Variants in NT5C2 observed in about 807,000 individuals in gnomAD.
The protein encoded by NT5C2 is cytosolic purine 5'-nucleotidase.
In NT5C2, 58 loss-of-function variants were observed where a neutral mutation model predicts 76.1. That is an observed-to-expected ratio of 0.76 (90% CI 0.62 to 0.95). The LOEUF is 0.95. NT5C2 is among the 40% of genes least tolerant of loss of function. The pLI, the probability that NT5C2 is intolerant of heterozygous loss-of-function variation, is 0.00. For missense variants in NT5C2, 478 were observed against 690.3 expected, an observed-to-expected ratio of 0.69 and a Z score of 3.45; for synonymous variants, 229 against 237.4, an observed-to-expected ratio of 0.96 and a Z score of 0.32.
intron 4 of NT5C2, among the ~76,000 whole-genome samples, chr10:103,119,840 T>C (rs1487871270): frequency 6.6e-6 from 1 of 152,164 alleles, no homozygotes; most frequent in African/African-American, 2.4e-5. Context: ...GTCTCATGCC[T>C]GTAATCCCAG....
intron 1 of NT5C2, among the ~76,000 whole-genome samples, chr10:103,187,330 G>A (rs1591924478): frequency 6.6e-6 from 1 of 151,954 alleles, no homozygotes; most frequent in Admixed American, 6.6e-5. Context: ...TAGATTACAA[G>A]GTCAGGAGTT....
chr10:103,187,002 G>C (rs1469762841), intron 1 of NT5C2, among the ~76,000 whole-genome samples: 3 of 152,016 alleles, frequency 2.0e-5, no homozygotes, highest in Admixed American at 2.0e-4. Context: ...TATAATCCCA[G>C]CACTCTGGGA....
At chr10:103,121,252 T>C (rs2135700561) in intron 4 of NT5C2, among the ~76,000 whole-genome samples, 1 of 152,350 alleles carries the variant, frequency 6.6e-6, no homozygotes, top group South Asian at 2.1e-4. Context: ...TTGAATTGTA[T>C]ACTTGAAAAT....
chr10:103,184,039 G>C (rs759125877), intron 1 of NT5C2, among the ~76,000 whole-genome samples: 1 of 150,594 alleles, frequency 6.6e-6, no homozygotes, highest in Non-Finnish European at 1.5e-5. Context: ...TGCAACCTCC[G>C]CCTCCCAGAT....
Position 103,129,047 on chromosome 10 carries a change from G to A in NT5C2, c.175+10359C>T, listed in dbSNP as rs1450774470. On this transcript the variant is annotated intron_variant, in intron 4 of 18. Coordinates refer to ENST00000404739, the MANE Select transcript of NT5C2 (RefSeq NM_001351169.2). ...AGGTGGGGGGTCAGCCCCCCCGACC[G>A]GCCAGCCGTGCCATCCGGGAGGGAG... 1.2e-4 allele frequency among the ~76,000 whole-genome samples: 14 copies of A among 118,120 alleles called. 1 individual carries two copies. The East Asian group carries it at 1.2e-3, about 11-fold the overall frequency. 77.5% of individuals were successfully genotyped at this position (118,120 alleles called of 152,430 possible). A position where few individuals can be genotyped will look rare whatever the true frequency, so the allele number is the denominator to read the frequency against.
intron 1 of NT5C2, among the ~76,000 whole-genome samples, chr10:103,192,947 A>G (rs1231601092): frequency 6.6e-6 from 1 of 152,114 alleles, no homozygotes; most frequent in East Asian, 1.9e-4. Flanking sequence ...GCTGGGAAAC[A>G]ATGGCGCGAG....
chr10:103,180,660 G>A (rs1200303714), intron 2 of NT5C2, among the ~76,000 whole-genome samples: 4 of 152,120 alleles, frequency 2.6e-5, no homozygotes, highest in African/African-American at 4.8e-5. Flanking sequence ...TGAGGCTACA[G>A]TGAGCCAAGA....
chr10:103,143,583 C>T (rs1363286564), intron 3 of NT5C2, among the ~76,000 whole-genome samples: 3 of 144,562 alleles, frequency 2.1e-5, no homozygotes, highest in South Asian at 2.2e-4. Flanking sequence ...ACCACAGGTA[C>T]GCACCACCAT....
At chr10:103,098,745 A>C in intron 10 of NT5C2, 186 bp downstream of exon 10, 1 of 538,766 alleles carries the variant, frequency 1.9e-6, no homozygotes, top group Non-Finnish European at 3.3e-6. Flanking sequence ...TTGCCTATCA[A>C]GAAACAGGAA....
intron 15 of NT5C2, 48 bp downstream of exon 15, chr10:103,093,091 G>C (rs1004611785): frequency 3.5e-6 from 5 of 1,438,646 alleles, no homozygotes; most frequent in Non-Finnish European, 4.6e-6. Context: ...CTGATTCAAA[G>C]CTGGTCATTT....
At chr10:103,145,450 G>A (rs1005842607) in intron 3 of NT5C2, among the ~76,000 whole-genome samples, 5 of 152,114 alleles carry the variant, frequency 3.3e-5, no homozygotes, top group African/African-American at 1.2e-4. Flanking sequence ...ATCTGCTTGA[G>A]GAATCCAAAA....
intron 4 of NT5C2, among the ~76,000 whole-genome samples, chr10:103,129,301 G>A (rs1439478531): frequency 8.1e-6 from 1 of 123,478 alleles, no homozygotes; most frequent in Non-Finnish European, 1.8e-5. Context: ...AGGGAGGTGG[G>A]GGGGTCAGCC....
At chr10:103,092,759 C>A (rs528849122) in intron 15 of NT5C2, among the ~76,000 whole-genome samples, 1 of 152,224 alleles carries the variant, frequency 6.6e-6, no homozygotes, top group Admixed American at 6.5e-5. Flanking sequence ...GCCATCACTG[C>A]CCCAGAATCA....
intron 1 of NT5C2, among the ~76,000 whole-genome samples, chr10:103,182,285 A>C (rs1371401701): frequency 6.6e-6 from 1 of 152,180 alleles, no homozygotes; most frequent in Non-Finnish European, 1.5e-5. Context: ...CATAGATAAT[A>C]GGGTAATAAT....
chr10:103,090,027 A>ACAAGT, intron 18 of NT5C2, 119 bp from the exon 19 acceptor site: 1 of 695,394 alleles, frequency 1.4e-6, no homozygotes, highest in Middle Eastern at 2.5e-4. Context: ...GGACCACAGG[A>ACAAGT]CAAGTCAATA....
intron 3 of NT5C2, among the ~76,000 whole-genome samples, chr10:103,172,525 G>A (rs1218290801): frequency 1.3e-5 from 2 of 151,512 alleles, no homozygotes; most frequent in African/African-American, 2.4e-5. Context: ...AGGATTACAG[G>A]AAAAAAATTT....
chr10:103,090,211 A>T (rs1284553435), intron 18 of NT5C2: 1 of 352,240 alleles, frequency 2.8e-6, no homozygotes, highest in Non-Finnish European at 5.1e-6. Flanking sequence ...GAATAAAGGA[A>T]TGTAAAAACC....
At chr10:103,141,284 C>T (rs1350667892) in intron 3 of NT5C2, among the ~76,000 whole-genome samples, 1 of 151,988 alleles carries the variant, frequency 6.6e-6, no homozygotes, top group Non-Finnish European at 1.5e-5. Context: ...ATGGTGAGAA[C>T]CCAACTCTAC....
chr10:103,157,801 G>GC (rs1439388276), intron 3 of NT5C2, among the ~76,000 whole-genome samples: 1 of 152,102 alleles, frequency 6.6e-6, no homozygotes, highest in Non-Finnish European at 1.5e-5. Flanking sequence ...GGGGCCAGGT[G>GC]CGGTGGCTCA....
Sources: allele counts gnomAD v4.1 joint callset (sites outside exome capture counted in the v4.1 genomes callset), GRCh38; gene constraint gnomAD v4.1.1; transcripts MANE v1.5; gene names NCBI Gene and HGNC (gene_info 2026-07-23, HGNC 2026-07-21).